Variants in EPHA6 observed in about 807,000 individuals in gnomAD.
EPHA6 encodes the protein EPH receptor A6, also known as ephrin type-A receptor 6.
EPHA6 carries 50 observed loss-of-function variants against 112.0 expected under a neutral mutation model. The observed-to-expected ratio is 0.45, with a 90% confidence interval of 0.36 to 0.56. The LOEUF is 0.56. EPHA6 is among the 20% of genes least tolerant of loss of function. The pLI is 0.00. For missense variants in EPHA6, 1,280 were observed against 1,417.4 expected (o/e 0.90, Z 1.56); for synonymous variants, 529 against 490.7 (o/e 1.08, Z -1.03).
intron 5 of EPHA6, among the ~76,000 whole-genome samples, chr3:97,335,575 G>A (rs180778779): frequency 3.3e-5 from 5 of 151,926 alleles, no homozygotes; most frequent in African/African-American, 9.7e-5. Flanking sequence ...TGGCTTTTTC[G>A]ACCATGCACC....
chr3:97,619,898 C>A (rs2093799798), intron 13 of EPHA6, among the ~76,000 whole-genome samples: 1 of 152,016 alleles, frequency 6.6e-6, no homozygotes, highest in African/African-American at 2.4e-5. Context: ...GTGTTCTTCA[C>A]AGAACTAGAA....
chr3:97,579,289 T>A (rs559313964), intron 11 of EPHA6, among the ~76,000 whole-genome samples: 1 of 151,716 alleles, frequency 6.6e-6, no homozygotes, highest in Non-Finnish European at 1.5e-5. Context: ...TAGGCTGCAC[T>A]TATTTTTATA....
chr3:97,246,154 A>G (rs1389367313), intron 5 of EPHA6, among the ~76,000 whole-genome samples: 1 of 152,004 alleles, frequency 6.6e-6, no homozygotes, highest in Non-Finnish European at 1.5e-5. Context: ...AATATAAAGT[A>G]GATGAGAGTT....
At chr3:96,841,186 A>T (rs2034723556) in intron 1 of EPHA6, among the ~76,000 whole-genome samples, 1 of 152,104 alleles carries the variant, frequency 6.6e-6, no homozygotes, top group Non-Finnish European at 1.5e-5. Context: ...TGAAGTGGAG[A>T]GGGGACTTCC....
intron 5 of EPHA6, among the ~76,000 whole-genome samples, chr3:97,269,195 G>A (rs991147564): frequency 1.3e-5 from 2 of 152,130 alleles, no homozygotes; most frequent in Non-Finnish European, 1.5e-5. Context: ...TAAGTATTGC[G>A]GAGGACTGTT....
chr3:96,917,461 T>G (rs929893803), intron 2 of EPHA6, among the ~76,000 whole-genome samples: 1 of 151,688 alleles, frequency 6.6e-6, no homozygotes, highest in Non-Finnish European at 1.5e-5. Flanking sequence ...CATTATAGTT[T>G]TTATTTCTCT....
Position 96,925,544 on chromosome 3 carries a change from T to C in EPHA6, c.450+58655T>C, listed in dbSNP as rs145338086. ...TCTTCTCTTTAGTCTTCTTTATTAGTCTAGCTGGTGGTCATTCAATTTTAT... is the reference window on the plus strand; with the variant it reads ...TCTTCTCTTTAGTCTTCTTTATTAGCCTAGCTGGTGGTCATTCAATTTTAT... On this transcript the variant is annotated intron_variant, in intron 2 of 17. Coordinates refer to ENST00000389672, the MANE Select transcript of EPHA6 (RefSeq NM_001080448.3). Among the ~76,000 whole-genome samples, 597 of 152,164 alleles carry C rather than the reference T, an allele frequency of 3.9e-3. 6 individuals are homozygous for C. Among genetic ancestry groups the C allele is most frequent in the African/African-American group, 0.013 (553 of 41,530 alleles).
chr3:97,696,188 CA>C (rs1488065969), intron 14 of EPHA6, among the ~76,000 whole-genome samples: 25 of 152,324 alleles, frequency 1.6e-4, no homozygotes, highest in Admixed American at 1.6e-3. Context: ...ATGAGCTAGT[CA>C]TTCTGTATCT....
chr3:96,970,003 A>G (rs1240966831), intron 2 of EPHA6, among the ~76,000 whole-genome samples: 1 of 152,038 alleles, frequency 6.6e-6, no homozygotes, highest in African/African-American at 2.4e-5. Flanking sequence ...CTTAAATATT[A>G]TACCTTTTAG....
At chr3:97,401,889 A>G (rs2087014099) in intron 5 of EPHA6, among the ~76,000 whole-genome samples, 1 of 151,884 alleles carries the variant, frequency 6.6e-6, no homozygotes, top group African/African-American at 2.4e-5. Context: ...CTTCAAGAAA[A>G]TGTGTAATTT....
chr3:96,994,728 T>TAGAGAGAGAGAG (rs1455826302), intron 3 of EPHA6, among the ~76,000 whole-genome samples: 1 of 78,854 alleles, frequency 1.3e-5, no homozygotes, highest in Non-Finnish European at 2.3e-5. Flanking sequence ...TATATATATA[T>TAGAGAGAGAGAG]ATATAGAGAG....
intron 14 of EPHA6, among the ~76,000 whole-genome samples, chr3:97,688,114 A>G (rs958272589): frequency 1.3e-5 from 2 of 152,210 alleles, no homozygotes; most frequent in African/African-American, 4.8e-5. Context: ...ATTATTGTGT[A>G]TAATACAACC....
At chr3:96,983,902 A>G (rs1191155991) in intron 2 of EPHA6, among the ~76,000 whole-genome samples, 1 of 152,134 alleles carries the variant, frequency 6.6e-6, no homozygotes, top group Admixed American at 6.5e-5. Context: ...TTTCCACTCC[A>G]TCAGGTCATT....
chr3:96,820,999 A>G (rs549048790), intron 1 of EPHA6, among the ~76,000 whole-genome samples: 1 of 152,020 alleles, frequency 6.6e-6, no homozygotes, highest in East Asian at 1.9e-4. Flanking sequence ...TAGATATAAA[A>G]TAATGTGTTT....
chr3:96,867,982 A>G (rs180992853), intron 2 of EPHA6, among the ~76,000 whole-genome samples: 38 of 151,938 alleles, frequency 2.5e-4, no homozygotes, highest in African/African-American at 9.2e-4. Flanking sequence ...ATTCTACTAG[A>G]GCTCTTATCA....
chr3:97,452,183 T>G lies in EPHA6; in HGVS notation c.1894+3453T>G, dbSNP rs531449400. On this transcript the variant is annotated intron_variant, in intron 7 of 17. Coordinates refer to ENST00000389672, the MANE Select transcript of EPHA6 (RefSeq NM_001080448.3). ...GCACTTAGAGACCAGTGCTTGGTTC[T>G]TTTTCAATATCAAAATATGCTAGTG... Among the ~76,000 whole-genome samples the G allele has an allele frequency of 8.6e-5, 13 of 152,006 alleles. No homozygotes were observed. In the South Asian group the frequency reaches 2.7e-3, roughly 31 times the overall value.
chr3:97,652,159 C>T (rs1175488636), intron 14 of EPHA6, among the ~76,000 whole-genome samples: 1 of 152,010 alleles, frequency 6.6e-6, no homozygotes, highest in African/African-American at 2.4e-5. Context: ...AATGCTTAAT[C>T]GCTAGTTTCA....
chr3:97,747,394 ATGTTT>A (rs574327547), intron 16 of EPHA6, 24 bp from the exon 17 acceptor site: 18 of 1,485,838 alleles, frequency 1.2e-5, no homozygotes, highest in Admixed American at 4.9e-5. Flanking sequence ...AATGCTCTCC[ATGTTT>A]TGTTTTGTTT....
At chr3:97,275,018 G>A (rs1265281608) in intron 5 of EPHA6, among the ~76,000 whole-genome samples, 1 of 152,194 alleles carries the variant, frequency 6.6e-6, no homozygotes, top group Non-Finnish European at 1.5e-5. Context: ...AGCATAGTTT[G>A]TGATTTTTAG....
Sources: gnomAD v4.1 joint callset for allele counts (sites outside exome capture counted in the v4.1 genomes callset) on GRCh38, gnomAD v4.1.1 for gene constraint, MANE v1.5 for transcripts, NCBI Gene and HGNC (gene_info 2026-07-23, HGNC 2026-07-21) for gene names.